ZNF568: variants seen among roughly 807,000 people sequenced by gnomAD.
The protein encoded by ZNF568 is zinc finger protein 568.
A neutral mutation model predicts 18.1 loss-of-function variants in ZNF568; 11 were observed. That is an observed-to-expected ratio of 0.61 (90% confidence interval 0.38 to 1.00). ZNF568 has a LOEUF of 1.00. Ranked by LOEUF, ZNF568 falls within the 50% of genes least tolerant of loss-of-function variation. The probability of loss-of-function intolerance (pLI) is 0.01; values close to 1 mark genes in which losing one functional copy is unlikely to be tolerated. For synonymous variants in ZNF568, 213 were observed against 246.6 expected, an observed-to-expected ratio of 0.86 and a Z score of 1.28; for missense variants, 639 against 768.2, an observed-to-expected ratio of 0.83 and a Z score of 1.99.
intron 3 of ZNF568, among the ~76,000 whole-genome samples, chr19:36,924,532 TA>T: frequency 9.5e-6 from 1 of 105,600 alleles, no homozygotes; most frequent in Non-Finnish European, 1.9e-5. Flanking sequence ...TTTTTATGGT[TA>T]AAAAATAACA....
At chr19:36,943,493 A>T (rs558281871) in intron 6 of ZNF568, among the ~76,000 whole-genome samples, 2 of 152,122 alleles carry the variant, frequency 1.3e-5, no homozygotes, top group African/African-American at 4.8e-5. Flanking sequence ...GGTTTCCAAA[A>T]TTTGTCAAGT....
At chr19:36,993,732 G>T (rs1716145709) in intron 4 of ZNF568, among the ~76,000 whole-genome samples, 1 of 151,990 alleles carries the variant, frequency 6.6e-6, no homozygotes, top group African/African-American at 2.4e-5. Context: ...TTTCTATAAG[G>T]TCAGTGGTGA....
chr19:36,982,135 A>G (rs1257662111), downstream of ZNF568, among the ~76,000 whole-genome samples: 1 of 152,056 alleles, frequency 6.6e-6, no homozygotes, highest in Admixed American at 6.6e-5. Context: ...GTCTTTGTCT[A>G]TTAGTATTGA....
At chr19:36,917,805 T>C (rs2073371771) in intron 2 of ZNF568, among the ~76,000 whole-genome samples, 157 bp downstream of exon 2, 2 of 152,230 alleles carry the variant, frequency 1.3e-5, no homozygotes, top group Admixed American at 6.5e-5. Flanking sequence ...CTAGGTTGGT[T>C]TCTGCTATTA....
intron 7 of ZNF568, among the ~76,000 whole-genome samples, chr19:36,974,959 C>T (rs1457818357): frequency 1.3e-5 from 2 of 150,360 alleles, no homozygotes; most frequent in African/African-American, 4.9e-5. Flanking sequence ...CCTGAGTAGC[C>T]GAGATTACAG....
At chr19:36,942,819 T>G (rs1380892038) in intron 6 of ZNF568, among the ~76,000 whole-genome samples, 2 of 152,166 alleles carry the variant, frequency 1.3e-5, no homozygotes, top group Non-Finnish European at 2.9e-5. Context: ...TCCTGCAATA[T>G]TTCTAACACA....
At chr19:36,942,581 A>G (rs1265136754) in intron 6 of ZNF568, among the ~76,000 whole-genome samples, 1 of 136,352 alleles carries the variant, frequency 7.3e-6, no homozygotes, top group African/African-American at 2.8e-5. Context: ...CCTGGGTGAC[A>G]GGACCAGACT....
intron 4 of ZNF568, chr19:36,991,953 G>C (rs1025060992): frequency 1.2e-6 from 1 of 845,276 alleles, no homozygotes; most frequent in Non-Finnish European, 1.8e-6. Flanking sequence ...GCCTAAAAAG[G>C]CTTGAGATCT....
At chr19:36,965,609 A>C (rs542823826) in intron 6 of ZNF568, among the ~76,000 whole-genome samples, 1 of 152,132 alleles carries the variant, frequency 6.6e-6, no homozygotes, top group East Asian at 1.9e-4. Context: ...CTTGCCCGTA[A>C]TGCTGCTGCC....
exon 5 of ZNF568, chr19:36,996,391 G>A (rs2074471914): frequency 6.5e-7 from 1 of 1,536,056 alleles, no homozygotes; most frequent in African/African-American, 1.4e-5. Context: ...ACCACAACAG[G>A]AGAAGGCCAG....
rs113502154 is a variant in ZNF568 at position 36,958,646 on chromosome 19, G to A, written c.359-15774G>A. Among the ~76,000 whole-genome samples the A allele has an allele frequency of 3.0e-3, 346 of 114,872 alleles. 3 individuals carry two copies. The highest frequency in any genetic ancestry group is 0.011 in the African/African-American group (328 of 28,630). 75.4% of individuals were successfully genotyped at this position (114,872 alleles called of 152,430 possible). A position where few individuals can be genotyped will look rare whatever the true frequency, so the allele number is the denominator to read the frequency against. On this transcript the variant is annotated intron_variant, in intron 6 of 7. Coordinates refer to the ZNF568 transcript ENST00000427117. ...TTTTTTTTTTTTTTTTTTGAGACAG[G>A]GTCTCTCTTTCGCCCAGGCTGGAGT...
chr19:36,996,349 T>C (rs2074471222), exon 5 of ZNF568: 1 of 1,531,542 alleles, frequency 6.5e-7, no homozygotes, highest in Non-Finnish European at 8.7e-7. Flanking sequence ...CAAGAATTTA[T>C]CTCCAAAGGA....
At chr19:36,987,657 G>T (rs1277159476) in intron 2 of ZNF568, among the ~76,000 whole-genome samples, 1 of 152,016 alleles carries the variant, frequency 6.6e-6, no homozygotes, top group African/African-American at 2.4e-5. Flanking sequence ...GTGATATCCA[G>T]GTTGTACAAA....
At chr19:36,981,057 A>G (rs1414247645), downstream of ZNF568, among the ~76,000 whole-genome samples, 1 of 152,104 alleles carries the variant, frequency 6.6e-6, no homozygotes, top group Non-Finnish European at 1.5e-5. Flanking sequence ...CAAAGGCCAG[A>G]CCTCTTTTTG....
chr19:36,924,746 G>A (rs1032520227), intron 3 of ZNF568, among the ~76,000 whole-genome samples: 5 of 150,726 alleles, frequency 3.3e-5, no homozygotes, highest in African/African-American at 4.9e-5. Flanking sequence ...CAGGAGAATC[G>A]CTTGAACCTG....
chr19:36,942,144 G>A lies in ZNF568; in HGVS notation c.358+4902G>A, dbSNP rs553862229. Among the ~76,000 whole-genome samples, 11 of 151,592 alleles carry A rather than the reference G, an allele frequency of 7.3e-5. No homozygotes were observed. In the South Asian group the frequency reaches 1.5e-3, roughly 20 times the overall value. Reference sequence around the variant, plus strand: ...ATCACAGGCATACACCACCACGCCCGGCTAATTTTTTGTATTTAGTAGAGA... The same window carrying A: ...ATCACAGGCATACACCACCACGCCCAGCTAATTTTTTGTATTTAGTAGAGA... On this transcript the variant is annotated intron_variant, in intron 6 of 6. Transcript: ENST00000333987.
intron 2 of ZNF568, among the ~76,000 whole-genome samples, chr19:36,986,047 T>C (rs5008751): frequency 0.53 from 81,096 of 151,978 alleles, 22,163 homozygotes; most frequent in African/African-American, 0.62. Flanking sequence ...CCAGGAGCCC[T>C]GCCAAACCAG....
At chr19:36,970,410 A>G (rs2074227489) in intron 6 of ZNF568, among the ~76,000 whole-genome samples, 1 of 150,162 alleles carries the variant, frequency 6.7e-6, no homozygotes, top group Non-Finnish European at 1.5e-5. Flanking sequence ...CAGTGCCCCA[A>G]TCTTGGCTCA....
intron 6 of ZNF568, among the ~76,000 whole-genome samples, chr19:36,958,901 G>A (rs532142705): frequency 6.6e-6 from 1 of 152,120 alleles, no homozygotes; most frequent in African/African-American, 2.4e-5. Flanking sequence ...GATTACAGGC[G>A]TGAGCCACCA....
Sources: gnomAD v4.1 joint callset for allele counts (sites outside exome capture counted in the v4.1 genomes callset) on GRCh38, gnomAD v4.1.1 for gene constraint, MANE v1.5 for transcripts, NCBI Gene and HGNC (gene_info 2026-07-23, HGNC 2026-07-21) for gene names.